UNC5D: variants seen among roughly 807,000 people sequenced by gnomAD.
UNC5D encodes the protein unc-5 netrin receptor D.
In UNC5D, 39 loss-of-function variants were observed where a neutral mutation model predicts 105.4. The ratio of observed to expected loss-of-function variants is 0.37; its 90% CI spans 0.29 to 0.48. UNC5D has a LOEUF of 0.48. Among genes scored for constraint, UNC5D ranks in the 20% least tolerant of loss-of-function variants. UNC5D has a pLI of 0.98. For synonymous variants in UNC5D, 452 were observed against 450.4 expected (o/e 1.00, Z -0.04); for missense variants, 991 against 1,202.4 (o/e 0.82, Z 2.60).
At chr8:35,660,438 C>G (rs1824037819) in intron 4 of UNC5D, among the ~76,000 whole-genome samples, 1 of 152,160 alleles carries the variant, frequency 6.6e-6, no homozygotes, top group Non-Finnish European at 1.5e-5. Context: ...AATGTTGCCA[C>G]ATGCAGATAC....
chr8:35,555,924 C>G (rs12543657), intron 2 of UNC5D, among the ~76,000 whole-genome samples: 31,195 of 115,562 alleles, frequency 0.27, 5,949 homozygotes, highest in African/African-American at 0.53. Context: ...CACACACACA[C>G]AGAAAAAGAA....
At chr8:35,452,711 T>C (rs1368197192) in intron 1 of UNC5D, among the ~76,000 whole-genome samples, 4 of 152,160 alleles carry the variant, frequency 2.6e-5, no homozygotes, top group Non-Finnish European at 2.9e-5. Flanking sequence ...TGCTGATGAA[T>C]TTGCACAAGA....
At chr8:35,276,972 G>T (rs1444231836) in intron 1 of UNC5D, among the ~76,000 whole-genome samples, 1 of 152,174 alleles carries the variant, frequency 6.6e-6, no homozygotes, top group Non-Finnish European at 1.5e-5. Context: ...GGCTCCAGAA[G>T]AAGGTCTTCA....
chr8:35,336,403 C>T (rs533179189), intron 1 of UNC5D, among the ~76,000 whole-genome samples: 1 of 152,256 alleles, frequency 6.6e-6, no homozygotes, highest in African/African-American at 2.4e-5. Flanking sequence ...TCCCTACAAC[C>T]GAAACATTGG....
chr8:35,597,612 A>T (rs1032589401), intron 4 of UNC5D, among the ~76,000 whole-genome samples: 1 of 152,166 alleles, frequency 6.6e-6, no homozygotes, highest in Non-Finnish European at 1.5e-5. Flanking sequence ...GGTCACTACC[A>T]TTGACTTTGG....
intron 1 of UNC5D, among the ~76,000 whole-genome samples, chr8:35,411,698 T>G (rs57666020): frequency 6.6e-6 from 1 of 152,206 alleles, no homozygotes; most frequent in South Asian, 2.1e-4. Flanking sequence ...ATTTAAATCT[T>G]ATAAATAGCA....
intron 15 of UNC5D, 35 bp from the exon 16 acceptor site, chr8:35,774,264 T>G (rs1015168460): frequency 1.2e-6 from 2 of 1,611,770 alleles, no homozygotes. Context: ...TGCTTTCAGA[T>G]AGATCTGATC....
intron 4 of UNC5D, among the ~76,000 whole-genome samples, chr8:35,612,723 C>CTTTTTTTTTGTTT (rs1820766822): frequency 1.5e-5 from 1 of 64,742 alleles, no homozygotes; most frequent in African/African-American, 7.1e-5. Context: ...AATGTTTTGC[C>CTTTTTTTTTGTTT]TTTTTTTTTT....
rs776497447 is a variant in UNC5D, at chr8:35,718,577, G to A, written c.1118-3633G>A. ...AAGTTATAGAGATATTGTAGCTTTT[G>A]AAGAGTTTAAGGCAGTTAGGGAAAA... On this transcript the variant is annotated intron_variant, in intron 8 of 16. Coordinates refer to ENST00000404895, the MANE Select transcript of UNC5D (RefSeq NM_080872.4). Among the ~76,000 whole-genome samples the A allele has an allele frequency of 3.3e-5, 5 of 152,300 alleles. No homozygotes were observed. The South Asian group carries it at 1.0e-3, about 32-fold the overall frequency.
At chr8:35,780,734 T>C (rs964052200) in intron 16 of UNC5D, among the ~76,000 whole-genome samples, 1 of 152,186 alleles carries the variant, frequency 6.6e-6, no homozygotes. Context: ...AAACTAAGCT[T>C]TCTTGGTTCT....
intron 4 of UNC5D, among the ~76,000 whole-genome samples, chr8:35,603,387 A>T (rs1004143251): frequency 8.5e-5 from 13 of 152,132 alleles, no homozygotes; most frequent in African/African-American, 3.1e-4. Context: ...TTCTAGTTTG[A>T]TTGCACTGTT....
At chr8:35,539,429 G>A (rs1281174934) in intron 1 of UNC5D, among the ~76,000 whole-genome samples, 1 of 152,120 alleles carries the variant, frequency 6.6e-6, no homozygotes, top group African/African-American at 2.4e-5. Context: ...AGATTTTAGA[G>A]GGTAAAATTT....
chr8:35,381,446 A>C (rs1448221901), intron 1 of UNC5D, among the ~76,000 whole-genome samples: 2 of 152,142 alleles, frequency 1.3e-5, no homozygotes, highest in African/African-American at 2.4e-5. Flanking sequence ...ACTGCCTCAC[A>C]CAAGTCCCTT....
intron 10 of UNC5D, among the ~76,000 whole-genome samples, chr8:35,730,040 C>T (rs530900555): frequency 5.3e-5 from 8 of 152,268 alleles, no homozygotes; most frequent in Admixed American, 2.6e-4. Flanking sequence ...CTCTTCTGAG[C>T]GATTTACATT....
At chr8:35,707,646 T>C (rs1827673682) in intron 8 of UNC5D, among the ~76,000 whole-genome samples, 1 of 152,116 alleles carries the variant, frequency 6.6e-6, no homozygotes, top group Admixed American at 6.5e-5. Flanking sequence ...AAAAAGATCA[T>C]AGGTATCCAT....
At chr8:35,629,627 C>T (rs1586289365) in intron 4 of UNC5D, among the ~76,000 whole-genome samples, 1 of 152,156 alleles carries the variant, frequency 6.6e-6, no homozygotes, top group South Asian at 2.1e-4. Context: ...AGATTAAAAG[C>T]CCAATCCCCA....
intron 1 of UNC5D, among the ~76,000 whole-genome samples, chr8:35,353,368 C>T (rs1406088888): frequency 1.3e-5 from 2 of 152,078 alleles, no homozygotes; most frequent in South Asian, 2.1e-4. Flanking sequence ...ATTTGTCACC[C>T]GCCAAATTGG....
At chr8:35,743,867 T>C (rs1307248151) in intron 11 of UNC5D, among the ~76,000 whole-genome samples, 1 of 152,126 alleles carries the variant, frequency 6.6e-6, no homozygotes, top group Non-Finnish European at 1.5e-5. Flanking sequence ...AAACAAGAAA[T>C]TATCTTGTAT....
chr8:35,260,566 C>T lies in UNC5D; in HGVS notation c.103+24679C>T, dbSNP rs150106360. Among the ~76,000 whole-genome samples, 112 of 152,144 alleles carry T rather than the reference C, an allele frequency of 7.4e-4. 1 individual carries two copies. The highest frequency in any genetic ancestry group is 2.4e-3 in the Admixed American group (37 of 15,286). ...GCTCATTGAAACCTCTGGGTTCAAG[C>T]GATTCTCCAGCCTCAGACTCCAGAG... is the stretch of plus-strand genomic sequence containing the variant. On this transcript the variant is annotated intron_variant, in intron 1 of 16. Coordinates refer to ENST00000404895, the MANE Select transcript of UNC5D (RefSeq NM_080872.4).
Sources: allele counts gnomAD v4.1 joint callset (sites outside exome capture counted in the v4.1 genomes callset), GRCh38; gene constraint gnomAD v4.1.1; transcripts MANE v1.5; gene names NCBI Gene and HGNC (gene_info 2026-07-23, HGNC 2026-07-21).